The following MAGI1 variants were observed in gnomAD, a reference collection of about 807,000 sequenced individuals.
The protein encoded by MAGI1 is membrane-associated guanylate kinase, WW and PDZ domain-containing protein 1.
MAGI1 carries 58 observed loss-of-function variants against 139.9 expected under a neutral mutation model. The ratio of observed to expected loss-of-function variants is 0.41; its 90% CI spans 0.34 to 0.52. The LOEUF (loss-of-function observed/expected upper bound fraction) is 0.52, where lower values mean the gene tolerates loss of function less well. Ranked by LOEUF, MAGI1 falls within the 20% of genes least tolerant of loss-of-function variation. MAGI1 has a pLI of 0.12. For missense variants in MAGI1, 1,874 were observed against 1,901.6 expected, an observed-to-expected ratio of 0.99 and a Z score of 0.27; for synonymous variants, 812 against 737.9, an observed-to-expected ratio of 1.10 and a Z score of -1.63.
At chr3:66,018,114 G>C (rs555564193) in intron 1 of MAGI1, among the ~76,000 whole-genome samples, 1 of 59,568 alleles carries the variant, frequency 1.7e-5, no homozygotes, top group Non-Finnish European at 3.3e-5. Context: ...ACACTTTGGT[G>C]GGGGGGGGGG....
At chr3:65,708,517 T>C (rs2030784811) in intron 1 of MAGI1, among the ~76,000 whole-genome samples, 1 of 152,072 alleles carries the variant, frequency 6.6e-6, no homozygotes, top group South Asian at 2.1e-4. Context: ...CTTTTGAAAC[T>C]TGAATTTGGG....
chr3:65,901,838 C>T (rs1044496601), intron 1 of MAGI1, among the ~76,000 whole-genome samples: 1 of 152,170 alleles, frequency 6.6e-6, no homozygotes, highest in Non-Finnish European at 1.5e-5. Context: ...TGCCTGCTAT[C>T]CCACAGGGTT....
At chr3:65,901,368 G>A (rs1335763504) in intron 1 of MAGI1, among the ~76,000 whole-genome samples, 1 of 152,196 alleles carries the variant, frequency 6.6e-6, no homozygotes. Context: ...AAGGGTGAGA[G>A]TCACGTGGTG....
At chr3:65,703,517 T>A (rs1278181635) in intron 1 of MAGI1, among the ~76,000 whole-genome samples, 1 of 152,248 alleles carries the variant, frequency 6.6e-6, no homozygotes, top group Non-Finnish European at 1.5e-5. Context: ...TCTCTGCTGA[T>A]GGATCTTCCA....
At chr3:65,963,789 G>C (rs187024951) in intron 1 of MAGI1, among the ~76,000 whole-genome samples, 1 of 152,332 alleles carries the variant, frequency 6.6e-6, no homozygotes, top group Non-Finnish European at 1.5e-5. Context: ...ATTTCATAAA[G>C]ACAGAGAGCT....
chr3:66,009,394 C>T (rs1430961581), intron 1 of MAGI1, among the ~76,000 whole-genome samples: 2 of 152,084 alleles, frequency 1.3e-5, no homozygotes, highest in East Asian at 3.9e-4. Flanking sequence ...CTTGTAATCC[C>T]AGCTACCCGG....
At position 65,571,704 on chromosome 3, in the gene MAGI1, T is replaced by C. The variant is rs140240585; in HGVS notation, c.430+50268A>G. On this transcript the variant is annotated intron_variant, in intron 2 of 22. Transcript: ENST00000402939. ...GGGTTTTTCTATAAAGGAGGAGCCA[T>C]GCGTAACAGGACAACTACACCCATA... Among the ~76,000 whole-genome samples, 14 of 151,882 alleles carry C rather than the reference T, an allele frequency of 9.2e-5. No homozygotes were observed. In the East Asian group the frequency reaches 2.5e-3, roughly 27 times the overall value.
rs571489969 is a variant in MAGI1, at chr3:65,362,247, T to G, written c.3496-910A>C. ...TCAAATCAGGTAATACATGTAAACC[T>G]GTCATGTAAACTATACACCATTATA... On this transcript the variant is annotated intron_variant, in intron 21 of 22. Transcript: ENST00000402939. Among the ~76,000 whole-genome samples, 7 of 152,320 alleles carry G rather than the reference T, an allele frequency of 4.6e-5. No individual in the cohort carries two copies. In the South Asian group the frequency reaches 1.5e-3, roughly 32 times the overall value.
intron 2 of MAGI1, among the ~76,000 whole-genome samples, chr3:65,608,902 C>T (rs970385533): frequency 1.3e-5 from 2 of 152,102 alleles, no homozygotes; most frequent in African/African-American, 4.8e-5. Context: ...AAAGACTACA[C>T]AGCAATTAAA....
chr3:65,725,236 T>C (rs1008996335), intron 1 of MAGI1, among the ~76,000 whole-genome samples: 1 of 152,180 alleles, frequency 6.6e-6, no homozygotes. Flanking sequence ...GGAACAATAA[T>C]GTCAGGATGT....
chr3:65,996,284 GA>G (rs2066443836), intron 1 of MAGI1, among the ~76,000 whole-genome samples: 1 of 152,056 alleles, frequency 6.6e-6, no homozygotes, highest in Non-Finnish European at 1.5e-5. Context: ...CTGCAACACA[GA>G]ACACAATAAG....
At chr3:65,357,208 C>G (rs1940258817) in intron 22 of MAGI1, 76 bp from the exon 23 acceptor site, 1 of 1,435,918 alleles carries the variant, frequency 7.0e-7, no homozygotes, top group Non-Finnish European at 9.4e-7. Context: ...CACCCACACT[C>G]GAGACCTCAT....
intron 12 of MAGI1, among the ~76,000 whole-genome samples, chr3:65,414,316 C>T (rs1049811606): frequency 6.6e-6 from 1 of 152,144 alleles, no homozygotes; most frequent in Admixed American, 6.5e-5. Flanking sequence ...TGGGTTACCC[C>T]GATAACTTAT....
At chr3:65,728,074 T>C (rs1474342772) in intron 1 of MAGI1, among the ~76,000 whole-genome samples, 5 of 152,084 alleles carry the variant, frequency 3.3e-5, no homozygotes, top group African/African-American at 7.2e-5. Flanking sequence ...GCTAACATAA[T>C]GTATTGTCAG....
rs762378009 is a variant in MAGI1 at position 65,429,708 on chromosome 3, C to T, written c.1979G>A (p.Ser660Asn). The stretch of plus-strand genomic sequence containing the variant: ...CACTCTTTGGCCACCCCCACCAGGA[C>T]TGTCTGCGATAGTAAAACCAAAGCC... ...PMGFGFTIAD[S>N]PGGGGQRVKQ... Residue 660 changes from serine to asparagine, a missense_variant, in exon 12 of 23, where the codon AGT (serine) becomes AAT (asparagine). By Grantham distance (46) the Ser-to-Asn change is conservative. Coordinates refer to ENST00000402939, the MANE Select transcript of MAGI1 (RefSeq NM_001033057.2). 6.2e-7 allele frequency: 1 copy of T among 1,613,952 alleles called. No individual in the cohort carries two copies. Among genetic ancestry groups the T allele is most frequent in the South Asian group, 1.1e-5 (1 of 91,086 alleles).
At chr3:65,486,912 GA>G (rs1457970127) in intron 3 of MAGI1, among the ~76,000 whole-genome samples, 1 of 152,134 alleles carries the variant, frequency 6.6e-6, no homozygotes, top group Non-Finnish European at 1.5e-5. Context: ...AGTAATAGAA[GA>G]CAGAAACTAG....
intron 1 of MAGI1, among the ~76,000 whole-genome samples, chr3:65,850,596 G>C (rs1234311203): frequency 8.5e-5 from 13 of 152,126 alleles, no homozygotes; most frequent in African/African-American, 1.2e-4. Flanking sequence ...TGAACTTTTA[G>C]AATAGAACTC....
chr3:65,377,115 C>T (rs916172475), intron 17 of MAGI1, among the ~76,000 whole-genome samples: 1 of 152,194 alleles, frequency 6.6e-6, no homozygotes, highest in Non-Finnish European at 1.5e-5. Flanking sequence ...GTAGGCTCTT[C>T]TGTCATGATT....
intron 12 of MAGI1, among the ~76,000 whole-genome samples, chr3:65,415,013 AAAAAAAC>A (rs1946091047): frequency 7.8e-6 from 1 of 127,804 alleles, no homozygotes; most frequent in Non-Finnish European, 1.8e-5. Flanking sequence ...TGGGAAAAAA[AAAAAAAC>A]AAAAAAAAAA....
Sources: allele counts gnomAD v4.1 joint callset (sites outside exome capture counted in the v4.1 genomes callset), GRCh38; gene constraint gnomAD v4.1.1; transcripts MANE v1.5; gene names NCBI Gene and HGNC (gene_info 2026-07-23, HGNC 2026-07-21).